Variants in P4HB observed in about 807,000 individuals in gnomAD.
The protein encoded by P4HB is protein disulfide-isomerase.
Under a neutral mutation model 52.6 loss-of-function variants are expected in P4HB, and 20 were observed. The ratio of observed to expected loss-of-function variants is 0.38; its 90% confidence interval spans 0.27 to 0.55. The LOEUF (loss-of-function observed/expected upper bound fraction) is 0.55. Ranked by LOEUF, P4HB falls within the 20% of genes least tolerant of loss-of-function variation. The pLI, the probability that P4HB is intolerant of heterozygous loss-of-function variation, is 0.74. For synonymous variants in P4HB, 296 were observed against 277.9 expected, an observed-to-expected ratio of 1.07 and a Z score of -0.65; for missense variants, 601 against 669.2, an observed-to-expected ratio of 0.90 and a Z score of 1.12.
At chr17:81,856,737 T>TCTC (rs773884470) in intron 2 of P4HB, among the ~76,000 whole-genome samples, 8 of 147,326 alleles carry the variant, frequency 5.4e-5, no homozygotes, top group Admixed American at 1.4e-4. Context: ...GCAACCTCCA[T>TCTC]CTCCCAGGTT....
At chr17:81,859,033 G>T in intron 2 of P4HB, 148 bp downstream of exon 2, 1 of 668,862 alleles carries the variant, frequency 1.5e-6, no homozygotes, top group Non-Finnish European at 2.6e-6. Context: ...CAGGGCACAA[G>T]TGGACAGAGA....
At chr17:81,848,588 A>G (rs1327141022) in intron 4 of P4HB, among the ~76,000 whole-genome samples, 1 of 150,988 alleles carries the variant, frequency 6.6e-6, no homozygotes, top group Non-Finnish European at 1.5e-5. Flanking sequence ...ATACAAAAAT[A>G]AGCTGGGCGT....
intron 1 of P4HB, 145 bp downstream of exon 1, chr17:81,860,182 G>T: frequency 3.1e-6 from 2 of 642,704 alleles, no homozygotes; most frequent in Non-Finnish European, 4.6e-6. Flanking sequence ...CCCCTGACAT[G>T]GCCCCCAAGG....
In P4HB at chr17:81,856,933, C is replaced by T. The variant is rs547589274; in HGVS notation, c.353-1347G>A. On this transcript the variant is annotated intron_variant, in intron 2 of 10. Transcript: ENST00000331483. ...AAAGTGCTGGGATTACATGCGTGAG[C>T]CACCATGCCCGGCCAATTTTTCTAT... Among the ~76,000 whole-genome samples the T allele has an allele frequency of 6.6e-5, 10 of 152,220 alleles. 1 individual carries two copies. The highest frequency in any genetic ancestry group is 6.5e-4 in the Admixed American group (10 of 15,280).
Position 81,846,068 on chromosome 17 carries a change from G to A in P4HB, c.1057-77C>T, listed in dbSNP as rs1036636977. The A allele has an allele frequency of 1.3e-5, 19 of 1,469,206 alleles. No individual in the cohort carries two copies. Among genetic ancestry groups the A allele is most frequent in the South Asian group, 1.1e-4 (8 of 74,340 alleles). 91.0% of individuals were successfully genotyped at this position (1,469,206 alleles called of 1,614,324 possible). A position where few individuals can be genotyped will look rare whatever the true frequency, so the allele number is the denominator to read the frequency against. The stretch of plus-strand genomic sequence containing the variant: ...GAGCTCCCCAACCCTCACCCTGCCC[G>A]GGACTGAGGTGCGTGGCTGCCCTGG... On this transcript the variant is annotated intron_variant, in intron 7 of 10. Transcript: ENST00000331483. The surrounding 1 kb of genome is among the most constrained non-coding windows in gnomAD (Gnocchi z 5.7).
In P4HB at chr17:81,843,702, C is replaced by T. The variant is rs201258965; in HGVS notation, c.*310G>A. 8 of 429,390 alleles carry T rather than the reference C, an allele frequency of 1.9e-5. No individual in the cohort carries two copies. The highest frequency in any genetic ancestry group is 4.1e-5 in the African/African-American group (2 of 49,336). The allele number at this position is 429,390 out of a possible 1,614,324, so 26.6% of individuals were successfully genotyped here. On this transcript the variant is annotated 3_prime_UTR_variant, in exon 11 of 11. Transcript: ENST00000331483. ...GAAACCTCCCGCGGGAGGGAGGCAG[C>T]GAGACTCCGAACACGGTAGCAAGCA...
At chr17:81,845,839 C>T (rs200244920) in intron 8 of P4HB, 32 bp downstream of exon 8, 151 of 1,613,882 alleles carry the variant, frequency 9.4e-5, no homozygotes, top group Non-Finnish European at 1.2e-4. Context: ...CCTGGTGGCA[C>T]GGACCTGGGG....
rs2038688484 is a variant in P4HB at position 81,843,771 on chromosome 17, G to A, written c.*241C>T. 1 of 591,300 alleles carries A rather than the reference G, an allele frequency of 1.7e-6. No homozygotes were observed. The highest frequency in any genetic ancestry group is 3.0e-6 in the Non-Finnish European group (1 of 333,006). The allele number at this position is 591,300 out of a possible 1,614,324, so 36.6% of individuals were successfully genotyped here. ...ATGAAAAAGTACATCATGGTTTCAG[G>A]AAACAAGCCCCACCAGGGTGGGCTG... is the stretch of plus-strand genomic sequence containing the variant. On this transcript the variant is annotated 3_prime_UTR_variant, in exon 11 of 11. Transcript: ENST00000331483.
At chr17:81,853,854 A>G (rs2038872204) in intron 4 of P4HB, among the ~76,000 whole-genome samples, 2 of 152,102 alleles carry the variant, frequency 1.3e-5, no homozygotes, top group Admixed American at 1.3e-4. Flanking sequence ...CATCACCCAC[A>G]TCCAGGTTCA....
Position 81,843,984 on chromosome 17 carries a change from C to T in P4HB, c.*28G>A, listed in dbSNP as rs542316751. The stretch of plus-strand genomic sequence containing the variant: ...TGGGTGTGCAGCCCCCGAGGGGTCT[C>T]GGCAGCGCCCGGGTCTGGCTTTGCG... On this transcript the variant is annotated 3_prime_UTR_variant, in exon 11 of 11. Transcript: ENST00000331483. 48 of 1,566,480 alleles carry T rather than the reference C, an allele frequency of 3.1e-5. No individual in the cohort carries two copies. In the South Asian group the frequency reaches 4.4e-4, roughly 14 times the overall value.
chr17:81,845,587 A>G lies in P4HB; in HGVS notation c.1333T>C (p.Phe445Leu). 6.2e-7 allele frequency: 1 copy of G among 1,609,342 alleles called. No individual in the cohort carries two copies. The highest frequency in any genetic ancestry group is 1.3e-5 in the African/African-American group (1 of 74,936). ...VKVHSFPTLK[F>L]FPASADRTVI... ...GTCCTGTCGGCACTGGCAGGAAAGA[A>G]CTTGAGTGTGGGGAAGCTGTGCACT... is the stretch of plus-strand genomic sequence containing the variant. Residue 445 changes from phenylalanine to leucine, a missense_variant, in exon 9 of 11, where the codon TTC becomes CTC. Transcript: ENST00000331483.
chr17:81,845,823 G>A (rs201789542), intron 8 of P4HB, 48 bp downstream of exon 8: 158 of 1,613,616 alleles, frequency 9.8e-5, no homozygotes, highest in African/African-American at 4.0e-5. Context: ...CCTACCTTGC[G>A]CGTGCCCTGG....
chr17:81,851,609 G>A (rs1031705768), intron 4 of P4HB, among the ~76,000 whole-genome samples: 2 of 152,182 alleles, frequency 1.3e-5, no homozygotes, highest in African/African-American at 4.8e-5. Context: ...CTGTGCCCAG[G>A]AGTAACGCCG....
Position 81,860,428 on chromosome 17 carries a change from AC to A in P4HB, c.43del (p.Val15CysfsTer56). On this transcript the variant is annotated frameshift_variant, in exon 1 of 11. Transcript: ENST00000331483. LOFTEE classifies it high-confidence loss of function. ...ALLCLAVAAL[V>X]RADAPEEEDH... is the part of the protein sequence containing the mutation. ...CTCCTCCTCGGGGGCGTCGGCGCGC[AC>A]CAGGGCGGCCACGGCCAGGCACAGC... is the stretch of plus-strand genomic sequence containing the variant. 1.4e-6 allele frequency: 2 copies of A among 1,419,598 alleles called. No individual in the cohort carries two copies. Among genetic ancestry groups the A allele is most frequent in the Admixed American group, 2.9e-5 (1 of 34,056 alleles). The allele number at this position is 1,419,598 out of a possible 1,614,324, so 87.9% of individuals were successfully genotyped here.
At chr17:81,850,280 G>A (rs150324302) in intron 4 of P4HB, among the ~76,000 whole-genome samples, 8,207 of 147,990 alleles carry the variant, frequency 0.055, 528 homozygotes, top group East Asian at 0.18. Flanking sequence ...TTACAGGTAC[G>A]CGCCACCACG....
intron 2 of P4HB, among the ~76,000 whole-genome samples, chr17:81,857,723 C>T (rs960830259): frequency 3.3e-5 from 5 of 152,176 alleles, no homozygotes; most frequent in South Asian, 2.1e-4. Flanking sequence ...CCACCAAAGG[C>T]GGTCAACTGA....
chr17:81,846,283 A>C lies in P4HB; in HGVS notation c.1056+146T>G. ...ACAGGTCCCCAAAGGTGTGACAAGA[A>C]TGGTGGTCTTCACACCATCTTGGGC... On this transcript the variant is annotated intron_variant, in intron 7 of 10. Transcript: ENST00000331483. The surrounding 1 kb of genome is among the most constrained non-coding windows in gnomAD (Gnocchi z 5.7). 2 of 783,548 alleles carry C rather than the reference A, an allele frequency of 2.6e-6. No individual in the cohort carries two copies. The highest frequency in any genetic ancestry group is 4.2e-6 in the Non-Finnish European group (2 of 481,906). The allele number at this position is 783,548 out of a possible 1,614,324, so 48.5% of individuals were successfully genotyped here. A position where few individuals can be genotyped will look rare whatever the true frequency, so the allele number is the denominator to read the frequency against.
Position 81,855,359 on chromosome 17 carries a change from AG to A in P4HB, c.487-81del. 6.2e-7 allele frequency: 1 copy of A among 1,601,698 alleles called. No individual in the cohort carries two copies. Among genetic ancestry groups the A allele is most frequent in the African/African-American group, 1.3e-5 (1 of 74,812 alleles). On this transcript the variant is annotated intron_variant, in intron 3 of 10. Transcript: ENST00000331483. The surrounding 1 kb of genome is among the most constrained non-coding windows in gnomAD (Gnocchi z 4.3). ...GGGCAGACCCTGTAGAGCCCAGGCC[AG>A]GGGGGACACGTGCAGAACTGCCAGC...
In P4HB at chr17:81,846,457, C is replaced by T; in HGVS notation, c.1028G>A (p.Cys343Tyr). ...ELTAERITEF[C>Y]HRFLEGKIKP... ...GATTTTGCCCTCCAGGAAGCGGTGGCAGAACTCTGTGATCCTCTCTGCCGT... is the reference window on the plus strand; with the variant it reads ...GATTTTGCCCTCCAGGAAGCGGTGGTAGAACTCTGTGATCCTCTCTGCCGT... The change falls in exon 7 of 11, where the codon TGC becomes TAC. Residue 343 changes from cysteine to tyrosine, a missense_variant. Cys to Tyr is a radical substitution (Grantham distance 194). Transcript: ENST00000331483. This position sits in a 1 kb window ranked among gnomAD's most constrained non-coding sequence, Gnocchi z 5.7. The T allele has an allele frequency of 6.2e-7, 1 of 1,613,628 alleles. No homozygotes were observed. Among genetic ancestry groups the T allele is most frequent in the Middle Eastern group, 1.7e-4 (1 of 6,060 alleles).
Sources: gnomAD v4.1 joint callset for allele counts (sites outside exome capture counted in the v4.1 genomes callset) on GRCh38, gnomAD v4.1.1 for gene constraint, Gnocchi (gnomAD v3.1) non-coding constraint, MANE v1.5 for transcripts, NCBI Gene and HGNC (gene_info 2026-07-23, HGNC 2026-07-21) for gene names.